The following SLC35E4 variants were observed in gnomAD, a reference collection of about 807,000 sequenced individuals.
The protein encoded by SLC35E4 is solute carrier family 35 member E4, also known as solute carrier family 35, member E4.
A neutral mutation model predicts 19.3 loss-of-function variants in SLC35E4; 15 were observed. The ratio of observed to expected loss-of-function variants is 0.78; its 90% CI spans 0.52 to 1.20. SLC35E4 has a LOEUF of 1.20. Among genes scored for constraint, SLC35E4 ranks in the 50% most tolerant of loss-of-function variants. The pLI, the probability that SLC35E4 is intolerant of heterozygous loss-of-function variation, is 0.00. For missense variants in SLC35E4, 406 were observed against 472.3 expected (o/e 0.86, Z 1.30); for synonymous variants, 219 against 219.9 (o/e 1.00, Z 0.04).
chr22:30,665,856 C>T (rs2145624348), downstream of SLC35E4, among the ~76,000 whole-genome samples: 1 of 151,354 alleles, frequency 6.6e-6, no homozygotes, highest in Non-Finnish European at 1.5e-5. Flanking sequence ...TGACTCCCAA[C>T]AGCTATGACT....
In SLC35E4 at chr22:30,647,060, G is replaced by A. The variant is rs753869314; in HGVS notation, c.*29G>A. 4 of 1,563,860 alleles carry A rather than the reference G, an allele frequency of 2.6e-6. No individual in the cohort carries two copies. The highest frequency in any genetic ancestry group is 2.6e-6 in the Non-Finnish European group (3 of 1,158,088). On this transcript the variant is annotated 3_prime_UTR_variant, in exon 2 of 2. Coordinates refer to ENST00000343605, the MANE Select transcript of SLC35E4 (RefSeq NM_001001479.4). Reference sequence around the variant, plus strand: ...CTGGGGGATCTCAGGAGCCACCTGGGATGGCCCTGGCCTGAATCCAGCCTC... The same window carrying A: ...CTGGGGGATCTCAGGAGCCACCTGGAATGGCCCTGGCCTGAATCCAGCCTC...
downstream of SLC35E4, chr22:30,666,894 T>C (rs1486166218): frequency 6.6e-6 from 1 of 152,176 alleles, no homozygotes; most frequent in Non-Finnish European, 1.5e-5. Context: ...CTCAAAATGA[T>C]AACTATTTTT....
intron 1 of SLC35E4, among the ~76,000 whole-genome samples, chr22:30,640,730 A>T (rs185896452): frequency 4.6e-5 from 7 of 152,282 alleles, no homozygotes; most frequent in Non-Finnish European, 7.4e-5. Context: ...AACCTTGGGC[A>T]TATTGGGATT....
At chr22:30,659,439 T>C (rs1409374848) in intron 2 of SLC35E4, among the ~76,000 whole-genome samples, 1 of 152,138 alleles carries the variant, frequency 6.6e-6, no homozygotes, top group Non-Finnish European at 1.5e-5. Context: ...AATAGCATGA[T>C]CTTGGCTCAC....
chr22:30,640,121 G>T (rs958688458), intron 1 of SLC35E4, among the ~76,000 whole-genome samples: 10 of 152,124 alleles, frequency 6.6e-5, no homozygotes, highest in African/African-American at 9.7e-5. Context: ...TCCGTTTGGG[G>T]TCCCTGACTT....
intron 2 of SLC35E4, among the ~76,000 whole-genome samples, chr22:30,661,044 T>G (rs751509098): frequency 2.0e-5 from 3 of 152,208 alleles, no homozygotes; most frequent in Non-Finnish European, 4.4e-5. Context: ...TTTTGCCATG[T>G]TGGCCAGGCT....
rs2087951079 is a variant in SLC35E4 at position 30,636,584 on chromosome 22, GC to G, written c.136del (p.Arg46GlyfsTer83). On this transcript the variant is annotated frameshift_variant, in exon 1 of 2. Transcript: ENST00000343605. LOFTEE classifies it high-confidence loss of function. ...AGCCCTCAGGCCCTCCGGCAGCCTG[GC>G]CGGGCCCGAGTGGCCATGGCAGCAC... Reference protein sequence around the residue: ...PGSPQALRQPGRARVAMAALV... With the variant: ...PGSPQALRQPXRARVAMAALV... 3 of 1,597,084 alleles carry G rather than the reference GC, an allele frequency of 1.9e-6. No homozygotes were observed. Among genetic ancestry groups the G allele is most frequent in the East Asian group, 4.6e-5 (2 of 43,676 alleles).
At chr22:30,666,249 A>C (rs1356929736), downstream of SLC35E4, among the ~76,000 whole-genome samples, 1 of 152,192 alleles carries the variant, frequency 6.6e-6, no homozygotes, top group Non-Finnish European at 1.5e-5. Context: ...CATTATAGCC[A>C]CTAAAAGTCT....
rs1168267636 is a variant in SLC35E4 at position 30,636,510 on chromosome 22, A to C, written c.60A>C (p.Ala20=). 1 of 1,543,406 alleles carries C rather than the reference A, an allele frequency of 6.5e-7. No homozygotes were observed. The highest frequency in any genetic ancestry group is 2.4e-5 in the East Asian group (1 of 40,860). Residue 20 remains alanine, a synonymous_variant, in exon 1 of 2, where the codon GCA becomes GCC. Coordinates refer to ENST00000343605, the MANE Select transcript of SLC35E4 (RefSeq NM_001001479.4). The part of the protein sequence containing the change: ...DGRMTSAEVG[A]AAGGAQAAGP... Reference sequence around the variant, plus strand: ...GGATGACCTCAGCCGAAGTAGGAGCAGCAGCTGGTGGTGCTCAGGCGGCTG... The same window carrying C: ...GGATGACCTCAGCCGAAGTAGGAGCCGCAGCTGGTGGTGCTCAGGCGGCTG...
chr22:30,663,739 G>A, downstream of SLC35E4: 1 of 1,614,202 alleles, frequency 6.2e-7, no homozygotes, highest in South Asian at 1.1e-5. Context: ...CTGTGGATAT[G>A]GTCAGCAATA....
downstream of SLC35E4, chr22:30,668,000 G>C (rs938230367): frequency 1.2e-4 from 19 of 153,972 alleles, no homozygotes; most frequent in African/African-American, 4.1e-4. Flanking sequence ...CAACGAGCAC[G>C]GCTCTCAACC....
At chr22:30,649,179 C>T, downstream of SLC35E4, 1 of 716,388 alleles carries the variant, frequency 1.4e-6, no homozygotes, top group Non-Finnish European at 2.6e-6. Flanking sequence ...TCCAGATCTG[C>T]AAAATGGAAC....
intron 2 of SLC35E4, among the ~76,000 whole-genome samples, chr22:30,653,184 GCCTGGGCTC>G (rs2088257343): frequency 6.6e-6 from 1 of 152,254 alleles, no homozygotes; most frequent in East Asian, 1.9e-4. Context: ...GCAGGTCAAG[GCCTGGGCTC>G]CCTGGCCTGG....
downstream of SLC35E4, among the ~76,000 whole-genome samples, chr22:30,651,367 A>ATTTT (rs35299835): frequency 6.3e-3 from 482 of 76,868 alleles, 12 homozygotes; most frequent in African/African-American, 0.024. Context: ...CACGTGGCTA[A>ATTTT]TTTTTGTGTG....
chr22:30,654,593 TG>T, intron 2 of SLC35E4: 1 of 462,894 alleles, frequency 2.2e-6, no homozygotes. Context: ...GACCCGGAAG[TG>T]GTGGGGGCCC....
chr22:30,638,068 A>G (rs1345579654), intron 1 of SLC35E4, among the ~76,000 whole-genome samples: 1 of 152,164 alleles, frequency 6.6e-6, no homozygotes, highest in African/African-American at 2.4e-5. Context: ...GACCCAGAGA[A>G]GTTCATGATT....
In SLC35E4 at chr22:30,647,732, G is replaced by C. The variant is rs576857410; in HGVS notation, c.*701G>C. 5.3e-5 allele frequency: 8 copies of C among 152,166 alleles called. No homozygotes were observed. Among genetic ancestry groups the C allele is most frequent in the Admixed American group, 2.0e-4 (3 of 15,282 alleles). The allele number at this position is 152,166 out of a possible 1,614,324, so 9.4% of individuals were successfully genotyped here. A position where few individuals can be genotyped will look rare whatever the true frequency, so the allele number is the denominator to read the frequency against. Reference sequence around the variant, plus strand: ...GGCGGTTACACAATCCTTCCTCCTGGGGGGGAGGCAGCTAGGAGGCCCAGC... The same window carrying C: ...GGCGGTTACACAATCCTTCCTCCTGCGGGGGAGGCAGCTAGGAGGCCCAGC... On this transcript the variant is annotated 3_prime_UTR_variant, in exon 2 of 2. Transcript: ENST00000343605.
At chr22:30,668,049 C>G (rs1304565656), downstream of SLC35E4, 1 of 159,946 alleles carries the variant, frequency 6.3e-6, no homozygotes, top group Non-Finnish European at 1.5e-5. Flanking sequence ...TCCAACCGGC[C>G]TCCGTGCGCC....
At chr22:30,654,734 G>A (rs533729624) in intron 2 of SLC35E4, 19 of 292,110 alleles carry the variant, frequency 6.5e-5, no homozygotes, top group Middle Eastern at 1.0e-3. Context: ...ACCACCTTCC[G>A]GCCTGCTTAG....
Sources: allele counts gnomAD v4.1 joint callset (sites outside exome capture counted in the v4.1 genomes callset), GRCh38; gene constraint gnomAD v4.1.1; transcripts MANE v1.5; gene names NCBI Gene and HGNC (gene_info 2026-07-23, HGNC 2026-07-21).